RGS6: variants seen among roughly 807,000 people sequenced by gnomAD.
RGS6 encodes regulator of G-protein signaling 6.
In RGS6, 30 loss-of-function variants were observed where a neutral mutation model predicts 78.5. The observed-to-expected ratio is 0.38, with a 90% CI of 0.29 to 0.52. The LOEUF (loss-of-function observed/expected upper bound fraction) is 0.52, where lower values mean the gene tolerates loss of function less well. Among genes scored for constraint, RGS6 ranks in the 20% least tolerant of loss-of-function variants. The pLI is 0.85. For missense variants in RGS6, 495 were observed against 609.7 expected (o/e 0.81, Z 1.98); for synonymous variants, 206 against 206.0 (o/e 1.00, Z 0.00).
At chr14:72,347,926 G>A (rs1032734184) in intron 2 of RGS6, among the ~76,000 whole-genome samples, 2 of 152,210 alleles carry the variant, frequency 1.3e-5, no homozygotes, top group African/African-American at 2.4e-5. Flanking sequence ...AGGTGGCACT[G>A]AGACTAAAAG....
At chr14:72,274,759 C>T (rs529965120) in intron 2 of RGS6, among the ~76,000 whole-genome samples, 8 of 152,242 alleles carry the variant, frequency 5.3e-5, no homozygotes, top group African/African-American at 1.9e-4. Flanking sequence ...GAGACTAGAC[C>T]AAGCAAGGAA....
At chr14:72,433,549 A>G (rs1253628507) in intron 3 of RGS6, among the ~76,000 whole-genome samples, 1 of 152,164 alleles carries the variant, frequency 6.6e-6, no homozygotes, top group East Asian at 1.9e-4. Flanking sequence ...GAAAAGCCTA[A>G]CTAAAAAAGT....
intron 3 of RGS6, among the ~76,000 whole-genome samples, chr14:72,376,304 C>T (rs527465047): frequency 2.6e-5 from 4 of 151,794 alleles, no homozygotes; most frequent in African/African-American, 9.7e-5. Context: ...TACAGGCAAA[C>T]AAATAGATGA....
chr14:72,375,570 C>T (rs528719346), intron 3 of RGS6, among the ~76,000 whole-genome samples: 8 of 152,266 alleles, frequency 5.3e-5, no homozygotes, highest in African/African-American at 1.9e-4. Context: ...CCATGTGCCC[C>T]TAGACAGAGT....
chr14:72,293,641 C>T (rs951428234), intron 2 of RGS6, among the ~76,000 whole-genome samples: 3 of 152,046 alleles, frequency 2.0e-5, no homozygotes, highest in African/African-American at 4.8e-5. Flanking sequence ...AAGCAAATGC[C>T]GACCAAGTAG....
the RGS6 span, among the ~76,000 whole-genome samples, chr14:72,629,963 G>A: frequency 0.2 from 30,626 of 151,976 alleles, 4,205 homozygotes; most frequent in African/African-American, 0.39. Context: ...TGCTTGCACT[G>A]AGACCATATT....
At position 72,067,699 on chromosome 14, in the gene RGS6, T is replaced by A. The variant is rs578065248; in HGVS notation, c.84+102824T>A. On this transcript the variant is annotated intron_variant, in intron 2 of 17. Coordinates refer to ENST00000553525, the MANE Select transcript of RGS6 (RefSeq NM_001204424.2). ...AAAAACTTAAAAAAATAAAATAAAATAAAGTTTATTTTCAAAACTTTTGAA... is the reference window on the plus strand; with the variant it reads ...AAAAACTTAAAAAAATAAAATAAAAAAAAGTTTATTTTCAAAACTTTTGAA... Among the ~76,000 whole-genome samples, 573 of 152,288 alleles carry A rather than the reference T, an allele frequency of 3.8e-3. 1 individual carries two copies. The highest frequency in any genetic ancestry group is 0.013 in the African/African-American group (560 of 41,558).
the RGS6 span, among the ~76,000 whole-genome samples, chr14:72,616,581 A>G: frequency 2.0e-5 from 3 of 152,174 alleles, no homozygotes; most frequent in African/African-American, 7.2e-5. Context: ...TTTATGTAAC[A>G]TGATGCTTAA....
At chr14:71,898,578 C>G in the RGS6 span, among the ~76,000 whole-genome samples, 6 of 152,136 alleles carry the variant, frequency 3.9e-5, no homozygotes, top group African/African-American at 1.4e-4. Flanking sequence ...TATACATGTG[C>G]TATGGTGGTT....
chr14:72,310,088 G>C (rs1595634269), intron 2 of RGS6, among the ~76,000 whole-genome samples: 1 of 152,104 alleles, frequency 6.6e-6, no homozygotes, highest in Non-Finnish European at 1.5e-5. Flanking sequence ...TCGGCATGTT[G>C]GTCATTCATT....
At chr14:72,621,840 G>A in the RGS6 span, among the ~76,000 whole-genome samples, 331 of 152,340 alleles carry the variant, frequency 2.2e-3, 1 homozygote, top group East Asian at 0.014. Flanking sequence ...CTGGGTTGTG[G>A]CTTGGTCAGC....
chr14:72,342,572 A>AAG (rs1169786289), intron 2 of RGS6, among the ~76,000 whole-genome samples: 1 of 150,814 alleles, frequency 6.6e-6, no homozygotes, highest in African/African-American at 2.4e-5. Flanking sequence ...TCTTAAAAAA[A>AAG]AAAAAAAACT....
the RGS6 span, among the ~76,000 whole-genome samples, chr14:72,599,402 T>TCG: frequency 1.1e-5 from 1 of 89,444 alleles, no homozygotes; most frequent in Non-Finnish European, 2.2e-5. Flanking sequence ...CCTTTTTTTT[T>TCG]TTTTTTTTTT....
At chr14:71,961,210 T>C (rs1481172303) in intron 1 of RGS6, among the ~76,000 whole-genome samples, 7 of 152,176 alleles carry the variant, frequency 4.6e-5, no homozygotes, top group African/African-American at 1.7e-4. Context: ...GGAGATGGGC[T>C]GGGATATAGG....
chr14:71,982,841 C>T (rs1026549776), intron 2 of RGS6, among the ~76,000 whole-genome samples: 1 of 152,146 alleles, frequency 6.6e-6, no homozygotes, highest in African/African-American at 2.4e-5. Flanking sequence ...TCAGCATTTC[C>T]AGTTGCTCTC....
chr14:72,036,723 A>G (rs970548150), intron 2 of RGS6, among the ~76,000 whole-genome samples: 2 of 152,014 alleles, frequency 1.3e-5, no homozygotes, highest in South Asian at 2.1e-4. Flanking sequence ...TCTGAGTGCA[A>G]GTATTTTGCT....
chr14:72,543,656 AG>A (rs1415189907), intron 17 of RGS6, among the ~76,000 whole-genome samples: 1 of 152,166 alleles, frequency 6.6e-6, no homozygotes. Flanking sequence ...GGTGATGTCT[AG>A]CCTGCCACTC....
chr14:72,332,748 G>T (rs918345045), intron 2 of RGS6, among the ~76,000 whole-genome samples: 2 of 152,198 alleles, frequency 1.3e-5, no homozygotes, highest in Non-Finnish European at 2.9e-5. Context: ...AGGAGAGGGT[G>T]GGGGCTGTGG....
chr14:72,312,731 G>C (rs1342443391), intron 2 of RGS6, among the ~76,000 whole-genome samples: 6 of 152,162 alleles, frequency 3.9e-5, no homozygotes, highest in African/African-American at 7.2e-5. Context: ...TGATTGTGGG[G>C]ATCCAGTGTC....
Sources: gnomAD v4.1 joint callset for allele counts (sites outside exome capture counted in the v4.1 genomes callset) on GRCh38, gnomAD v4.1.1 for gene constraint, MANE v1.5 for transcripts, NCBI Gene and HGNC (gene_info 2026-07-23, HGNC 2026-07-21) for gene names.